The following SLIT2 variants were observed in gnomAD, a reference collection of about 807,000 sequenced individuals.
The protein encoded by SLIT2 is slit homolog 2 protein.
A neutral mutation model predicts 185.7 loss-of-function variants in SLIT2; 41 were observed. That is an observed-to-expected ratio of 0.22 (90% CI 0.17 to 0.29). SLIT2 has a LOEUF of 0.29. Ranked by LOEUF, SLIT2 falls within the 10% of genes least tolerant of loss-of-function variation. The pLI is 1.00. For synonymous variants in SLIT2, 693 were observed against 680.2 expected, an observed-to-expected ratio of 1.02 and a Z score of -0.29; for missense variants, 1,571 against 1,909.0, an observed-to-expected ratio of 0.82 and a Z score of 3.30.
chr4:20,546,038 G>T lies in SLIT2; in HGVS notation c.2284G>T (p.Asp762Tyr). 6.4e-7 allele frequency: 1 copy of T among 1,562,732 alleles called. No homozygotes were observed. Among genetic ancestry groups the T allele is most frequent in the Non-Finnish European group, 8.8e-7 (1 of 1,141,060 alleles). Residue 762 changes from aspartate to tyrosine, a missense_variant, in exon 22 of 37, where the codon GAT (aspartate) becomes TAT (tyrosine). Asp to Tyr is a radical substitution (Grantham distance 160). This residue lies in a region of SLIT2 where 1,202 missense variants were observed against 1,416.4 expected (regional missense o/e 0.85). Transcript: ENST00000504154. The part of the protein sequence containing the change: ...IPRDVTELYL[D>Y]GNQFTLVPKE... ...TTGTTCCATTGTTTTTAGGTATCTGGATGGAAACCAATTTACACTGGTTCC... is the reference window on the plus strand; with the variant it reads ...TTGTTCCATTGTTTTTAGGTATCTGTATGGAAACCAATTTACACTGGTTCC...
At chr4:20,302,504 C>T (rs1176024006) in intron 4 of SLIT2, among the ~76,000 whole-genome samples, 1 of 152,062 alleles carries the variant, frequency 6.6e-6, no homozygotes, top group Non-Finnish European at 1.5e-5. Context: ...AAGCAGTGAC[C>T]AGCCTTCAGA....
intron 36 of SLIT2, among the ~76,000 whole-genome samples, 191 bp downstream of exon 36, chr4:20,617,841 G>C (rs1729802184): frequency 6.6e-6 from 1 of 151,942 alleles, no homozygotes; most frequent in Admixed American, 6.6e-5. Flanking sequence ...TTATTTTCAA[G>C]TATTTTGAAG....
At chr4:20,419,667 CTGTGTGTGTG>C (rs55679047) in intron 4 of SLIT2, among the ~76,000 whole-genome samples, 21 of 137,994 alleles carry the variant, frequency 1.5e-4, no homozygotes, top group South Asian at 5.0e-4. Flanking sequence ...AAGTTTTAAG[CTGTGTGTGTG>C]TGTGTGTGTG....
chr4:20,571,804 G>A (rs1725630503), intron 29 of SLIT2, among the ~76,000 whole-genome samples: 1 of 152,144 alleles, frequency 6.6e-6, no homozygotes, highest in South Asian at 2.1e-4. Flanking sequence ...CATACAATGA[G>A]AAGTGAACTC....
chr4:20,302,661 G>A (rs1217334309), intron 4 of SLIT2, among the ~76,000 whole-genome samples: 1 of 152,176 alleles, frequency 6.6e-6, no homozygotes, highest in Admixed American at 6.5e-5. Context: ...TAAGGAGAGG[G>A]TGTAACATCC....
intron 29 of SLIT2, among the ~76,000 whole-genome samples, chr4:20,574,676 A>G (rs2148924980): frequency 6.6e-6 from 1 of 151,576 alleles, no homozygotes; most frequent in Admixed American, 6.6e-5. Flanking sequence ...AGTCCCAGCC[A>G]CTTGGGAGGC....
At chr4:20,423,338 T>A (rs1196196513) in intron 4 of SLIT2, among the ~76,000 whole-genome samples, 1 of 151,776 alleles carries the variant, frequency 6.6e-6, no homozygotes, top group African/African-American at 2.4e-5. Context: ...ATTGAAATAC[T>A]CATTATTTAC....
At chr4:20,311,517 G>T (rs777591341) in intron 4 of SLIT2, among the ~76,000 whole-genome samples, 3 of 152,178 alleles carry the variant, frequency 2.0e-5, no homozygotes, top group East Asian at 3.9e-4. Flanking sequence ...AATATAGATT[G>T]TTATGGAAAT....
intron 4 of SLIT2, among the ~76,000 whole-genome samples, chr4:20,376,401 A>G (rs1159481937): frequency 6.6e-6 from 1 of 152,058 alleles, no homozygotes; most frequent in East Asian, 1.9e-4. Context: ...ACCATTCTAT[A>G]TTTTTTAATA....
intron 29 of SLIT2, among the ~76,000 whole-genome samples, chr4:20,571,081 A>C (rs1418596089): frequency 6.6e-6 from 1 of 152,000 alleles, no homozygotes; most frequent in South Asian, 2.1e-4. Context: ...ACTATGTCAG[A>C]TCTCTTTCTT....
chr4:20,291,835 A>T (rs1317039713), intron 4 of SLIT2, among the ~76,000 whole-genome samples: 2 of 151,680 alleles, frequency 1.3e-5, no homozygotes, highest in Non-Finnish European at 2.9e-5. Flanking sequence ...TTTTGATCTC[A>T]TTTTGAGATG....
At chr4:20,591,132 T>G (rs1204424475) in intron 30 of SLIT2, among the ~76,000 whole-genome samples, 2 of 152,200 alleles carry the variant, frequency 1.3e-5, no homozygotes, top group African/African-American at 2.4e-5. Flanking sequence ...TCTTATGATT[T>G]TGTAGTCCTT....
At chr4:20,569,226 G>A in intron 29 of SLIT2, 2 of 515,112 alleles carry the variant, frequency 3.9e-6, no homozygotes, top group East Asian at 3.4e-5. Flanking sequence ...CTATTATAAA[G>A]CCATGCTATC....
intron 4 of SLIT2, among the ~76,000 whole-genome samples, chr4:20,308,819 T>C (rs1271938305): frequency 6.6e-6 from 1 of 152,174 alleles, no homozygotes; most frequent in Non-Finnish European, 1.5e-5. Context: ...GTTGTACATA[T>C]GTACATACAA....
At chr4:20,463,515 A>ATGTG (rs375793654) in intron 4 of SLIT2, among the ~76,000 whole-genome samples, 3,723 of 112,232 alleles carry the variant, frequency 0.033, 134 homozygotes, top group African/African-American at 0.066. Context: ...ATATCCATAT[A>ATGTG]TGTGTGTGTG....
intron 4 of SLIT2, among the ~76,000 whole-genome samples, chr4:20,418,614 A>T (rs1023292132): frequency 2.6e-4 from 40 of 152,342 alleles, no homozygotes; most frequent in African/African-American, 9.6e-4. Flanking sequence ...CTCAAACCCG[A>T]TAGCATATGT....
chr4:20,588,188 G>T (rs1274768878), intron 29 of SLIT2, among the ~76,000 whole-genome samples: 1 of 152,116 alleles, frequency 6.6e-6, no homozygotes, highest in Non-Finnish European at 1.5e-5. Flanking sequence ...TTGTATCCCA[G>T]AAAACTTATA....
chr4:20,434,134 A>AG (rs1169666469), intron 4 of SLIT2, among the ~76,000 whole-genome samples: 2 of 152,198 alleles, frequency 1.3e-5, no homozygotes, highest in Non-Finnish European at 2.9e-5. Flanking sequence ...CCGACCCTAA[A>AG]GGGTATGACA....
Position 20,523,705 on chromosome 4 carries a change from G to A in SLIT2, c.1131-55G>A. ...GTTTCCTTAAAAAGCACAAAATCTT[G>A]CAGGTGAGTTAATAAGATGCTACAC... On this transcript the variant is annotated intron_variant, in intron 12 of 36. Transcript: ENST00000504154. 13 of 1,487,286 alleles carry A rather than the reference G, an allele frequency of 8.7e-6. No individual in the cohort carries two copies. The South Asian group carries it at 1.5e-4, about 17-fold the overall frequency. The allele number at this position is 1,487,286 out of a possible 1,614,324, so 92.1% of individuals were successfully genotyped here.
Sources: allele counts gnomAD v4.1 joint callset (sites outside exome capture counted in the v4.1 genomes callset), GRCh38; gene constraint gnomAD v4.1.1; regional missense constraint gnomAD v4.1.1; transcripts MANE v1.5; gene names NCBI Gene and HGNC (gene_info 2026-07-23, HGNC 2026-07-21).